ZNF592: variants seen among roughly 807,000 people sequenced by gnomAD.
ZNF592 encodes the protein spinocerebellar ataxia, autosomal recessive 5.
Under a neutral mutation model 80.3 loss-of-function variants are expected in ZNF592, and 11 were observed. That is an observed-to-expected ratio of 0.14 (90% CI 0.09 to 0.23). The LOEUF (loss-of-function observed/expected upper bound fraction) is 0.23, where lower values mean the gene tolerates loss of function less well. Among genes scored for constraint, ZNF592 ranks in the 10% least tolerant of loss-of-function variants. ZNF592 has a pLI of 1.00. For synonymous variants in ZNF592, 646 were observed against 640.3 expected (o/e 1.01, Z -0.13); for missense variants, 1,420 against 1,633.9 (o/e 0.87, Z 2.26).
Position 84,783,036 on chromosome 15 carries a change from A to G in ZNF592, c.361A>G (p.Arg121Gly), listed in dbSNP as rs765508178. Reference sequence around the variant, plus strand: ...TACTTTTATGAATGGAGACAGTGCCAGGAGTTTCCCTGGCAAACTGGAGCC... The same window carrying G: ...TACTTTTATGAATGGAGACAGTGCCGGGAGTTTCCCTGGCAAACTGGAGCC... ...DSTFMNGDSARSFPGKLEPPK... is the reference protein window; with the variant it reads ...DSTFMNGDSAGSFPGKLEPPK... Residue 121 changes from arginine (R) to glycine (G), a missense_variant, in exon 4 of 11, where the codon AGG becomes GGG. By Grantham distance (125) the Arg-to-Gly change is moderately radical. Transcript: ENST00000560079. The surrounding 1 kb of genome is among the most constrained non-coding windows in gnomAD (Gnocchi z 5.0). The G allele has an allele frequency of 1.2e-6, 2 of 1,614,208 alleles. No homozygotes were observed. The highest frequency in any genetic ancestry group is 1.7e-5 in the Admixed American group (1 of 60,034).
chr15:84,780,580 A>G (rs1418986718), intron 3 of ZNF592, among the ~76,000 whole-genome samples: 1 of 152,198 alleles, frequency 6.6e-6, no homozygotes, highest in Non-Finnish European at 1.5e-5. Context: ...TATTATTACC[A>G]TAATTAGATA....
At position 84,797,920 on chromosome 15, in the gene ZNF592, C is replaced by T. The variant is rs773227849; in HGVS notation, c.2451C>T (p.His817=). 1 of 1,614,248 alleles carries T rather than the reference C, an allele frequency of 6.2e-7. No homozygotes were observed. Among genetic ancestry groups the T allele is most frequent in the South Asian group, 1.1e-5 (1 of 91,090 alleles). Residue 817 remains histidine (H), a synonymous_variant, in exon 6 of 11, where the codon CAC becomes CAT. Coordinates refer to ENST00000560079, the MANE Select transcript of ZNF592 (RefSeq NM_014630.3). ...TGACCTTGGCCTTGCTGAAAAGCCA[C>T]ATCCAGGAGCGACACTGCCAGGTTT... The part of the protein sequence containing the change: ...VHLTLALLKS[H]IQERHCQVFH...
At chr15:84,764,189 C>G (rs9989333) in intron 1 of ZNF592, among the ~76,000 whole-genome samples, 1 of 152,144 alleles carries the variant, frequency 6.6e-6, no homozygotes, top group Admixed American at 6.6e-5. Flanking sequence ...TAAACTAAAC[C>G]CGGCTTTACT....
Position 84,799,997 on chromosome 15 carries a change from C to G in ZNF592, c.3273+20C>G, listed in dbSNP as rs534288306. ...CCTCAGGTGAGTGTGGGCTCCCTGC[C>G]TATTGGAGCTGGCTGCTCAGTGAGG... On this transcript the variant is annotated intron_variant, in intron 10 of 10. Coordinates refer to ENST00000560079, the MANE Select transcript of ZNF592 (RefSeq NM_014630.3). The surrounding 1 kb of genome is among the most constrained non-coding windows in gnomAD (Gnocchi z 4.2). 137 of 1,614,100 alleles carry G rather than the reference C, an allele frequency of 8.5e-5. 2 individuals are homozygous for G. In the South Asian group the frequency reaches 1.4e-3, roughly 17 times the overall value.
At chr15:84,767,554 G>A (rs1001924910) in intron 2 of ZNF592, among the ~76,000 whole-genome samples, 1 of 152,126 alleles carries the variant, frequency 6.6e-6, no homozygotes, top group African/African-American at 2.4e-5. Flanking sequence ...TGTGGTGCTA[G>A]GTTATTGCTG....
chr15:84,770,104 G>A (rs1411394565), intron 2 of ZNF592, among the ~76,000 whole-genome samples: 2 of 152,188 alleles, frequency 1.3e-5, no homozygotes, highest in African/African-American at 4.8e-5. Flanking sequence ...TATTTTGAAG[G>A]TTGAGTTGAC....
chr15:84,794,947 A>T (rs901358904), intron 5 of ZNF592, among the ~76,000 whole-genome samples: 1 of 152,076 alleles, frequency 6.6e-6, no homozygotes, highest in African/African-American at 2.4e-5. Flanking sequence ...TAATTTTTTT[A>T]GTAAATTCTC....
At chr15:84,792,307 T>C (rs1962771864) in intron 5 of ZNF592, among the ~76,000 whole-genome samples, 1 of 151,940 alleles carries the variant, frequency 6.6e-6, no homozygotes, top group South Asian at 2.1e-4. Context: ...ATTTGGACAT[T>C]TTCCAGCGGA....
Position 84,779,984 on chromosome 15 carries a change from G to GTTTTTTTTTTTTTTTTT in ZNF592, c.-20+1676_-20+1677insTTTTTTTTTTTTTTTTT, listed in dbSNP as rs72491489. 1.5e-5 allele frequency among the ~76,000 whole-genome samples: 2 copies of GTTTTTTTTTTTTTTTTT among 131,762 alleles called. 1 individual carries two copies. Among genetic ancestry groups the GTTTTTTTTTTTTTTTTT allele is most frequent in the Non-Finnish European group, 3.2e-5 (2 of 62,290 alleles). The allele number at this position is 131,762 out of a possible 152,430, so 86.4% of individuals were successfully genotyped here. A position where few individuals can be genotyped will look rare whatever the true frequency, so the allele number is the denominator to read the frequency against. ...CCCCTCAATCTTTTTTTCCTAGACA[G>GTTTTTTTTTTTTTTTTT]TTTTGTTTTTTTTTTTTTTTGAGTT... On this transcript the variant is annotated intron_variant, in intron 3 of 10. Coordinates refer to ENST00000560079, the MANE Select transcript of ZNF592 (RefSeq NM_014630.3).
At chr15:84,765,339 G>A (rs2141968222) in intron 2 of ZNF592, among the ~76,000 whole-genome samples, 1 of 152,206 alleles carries the variant, frequency 6.6e-6, no homozygotes, top group African/African-American at 2.4e-5. Context: ...GGGTGTACAA[G>A]TATCTTGTGT....
chr15:84,762,107 A>G (rs754163792), intron 1 of ZNF592, among the ~76,000 whole-genome samples: 17 of 152,180 alleles, frequency 1.1e-4, no homozygotes, highest in Non-Finnish European at 1.0e-4. Flanking sequence ...GTGTTCATTT[A>G]GAGTATATAT....
At chr15:84,790,407 C>T (rs773654535) in intron 4 of ZNF592, among the ~76,000 whole-genome samples, 23 of 152,158 alleles carry the variant, frequency 1.5e-4, no homozygotes, top group Non-Finnish European at 7.3e-5. Flanking sequence ...AAAGGAAAAG[C>T]TGGTCCTCTG....
chr15:84,799,159 G>C lies in ZNF592; in HGVS notation c.3086G>C (p.Arg1029Pro), dbSNP rs1235914846. ...TCCTTCCACACCCCCAACAGCCTGC[G>C]CAAACACATCCGCAACAACCATGAC... ...EQSFHTPNSL[R>P]KHIRNNHDTV... Residue 1029 changes from arginine (R) to proline (P), a missense_variant, in exon 9 of 11, where the codon CGC (arginine) becomes CCC (proline). Physicochemically the swap from Arg to Pro is moderately radical, Grantham distance 103 (BLOSUM62 -2). Transcript: ENST00000560079. The surrounding 1 kb of genome is among the most constrained non-coding windows in gnomAD (Gnocchi z 4.2). 5.6e-6 allele frequency: 9 copies of C among 1,614,030 alleles called. No homozygotes were observed. The highest frequency in any genetic ancestry group is 7.6e-6 in the Non-Finnish European group (9 of 1,180,020).
Position 84,783,354 on chromosome 15 carries a change from G to C in ZNF592, c.679G>C (p.Glu227Gln). Residue 227 changes from glutamate to glutamine, a missense_variant, in exon 4 of 11, where the codon GAA (glutamate) becomes CAA (glutamine). Glu to Gln is a conservative substitution (Grantham distance 29, BLOSUM62 2). This residue lies in a region of ZNF592 where 373 missense variants were observed against 355.5 expected (regional missense o/e 1.05). Transcript: ENST00000560079. The surrounding 1 kb of genome is among the most constrained non-coding windows in gnomAD (Gnocchi z 5.0). The stretch of plus-strand genomic sequence containing the variant: ...CGAGCAAAGTGGGCAGAACACAGTG[G>C]AACCTCACAAGGATCCGGATGCCAC... The part of the protein sequence containing the change: ...EHEQSGQNTV[E>Q]PHKDPDATRF... 9.9e-6 allele frequency: 16 copies of C among 1,614,240 alleles called. No homozygotes were observed. Among genetic ancestry groups the C allele is most frequent in the Non-Finnish European group, 1.4e-5 (16 of 1,180,052 alleles).
At chr15:84,794,785 ATCT>A (rs935160607) in intron 5 of ZNF592, among the ~76,000 whole-genome samples, 1 of 152,138 alleles carries the variant, frequency 6.6e-6, no homozygotes, top group African/African-American at 2.4e-5. Flanking sequence ...CCTGGACTCC[ATCT>A]TCTTTGGAGA....
At chr15:84,789,521 C>T (rs1175375640) in intron 4 of ZNF592, among the ~76,000 whole-genome samples, 1 of 152,146 alleles carries the variant, frequency 6.6e-6, no homozygotes, top group East Asian at 1.9e-4. Flanking sequence ...CTATTTTCCA[C>T]AGTAGATGCA....
chr15:84,770,189 T>G (rs1339085838), intron 2 of ZNF592, among the ~76,000 whole-genome samples: 1 of 152,164 alleles, frequency 6.6e-6, no homozygotes, highest in Admixed American at 6.5e-5. Flanking sequence ...AAGAATGGCA[T>G]TGTCATTTAC....
chr15:84,777,498 A>G (rs1350167515), intron 2 of ZNF592, among the ~76,000 whole-genome samples: 2 of 151,726 alleles, frequency 1.3e-5, no homozygotes, highest in Non-Finnish European at 2.9e-5. Flanking sequence ...AAAGAAAAAA[A>G]AAAGAAAGGC....
intron 5 of ZNF592, among the ~76,000 whole-genome samples, chr15:84,793,864 G>A (rs1962819202): frequency 6.6e-6 from 1 of 152,124 alleles, no homozygotes; most frequent in African/African-American, 2.4e-5. Context: ...TCCATTGCGG[G>A]GATACACCAT....
Sources: gnomAD v4.1 joint callset for allele counts (sites outside exome capture counted in the v4.1 genomes callset) on GRCh38, gnomAD v4.1.1 for gene constraint, gnomAD v4.1.1 regional missense constraint, Gnocchi (gnomAD v3.1) non-coding constraint, MANE v1.5 for transcripts, NCBI Gene and HGNC (gene_info 2026-07-23, HGNC 2026-07-21) for gene names.